The following RIN3 variants were observed in gnomAD, a reference collection of about 807,000 sequenced individuals.
RIN3 encodes the protein Ras and Rab interactor 3.
In RIN3, 54 loss-of-function variants were observed where a neutral mutation model predicts 76.3. The observed-to-expected ratio is 0.71, with a 90% CI of 0.57 to 0.89. The LOEUF is 0.89. RIN3 is among the 40% of genes least tolerant of loss of function. The probability of loss-of-function intolerance (pLI) is 0.00; values close to 1 mark genes in which losing one functional copy is unlikely to be tolerated. For missense variants in RIN3, 1,256 were observed against 1,322.1 expected, an observed-to-expected ratio of 0.95 and a Z score of 0.78; for synonymous variants, 576 against 564.0, an observed-to-expected ratio of 1.02 and a Z score of -0.30.
intron 2 of RIN3, 27 bp from the exon 3 acceptor site, chr14:92,577,333 G>C: frequency 2.0e-6 from 3 of 1,531,078 alleles, no homozygotes; most frequent in Non-Finnish European, 9.0e-7. Context: ...TTAATTCACG[G>C]AGCTGCATCC....
chr14:92,643,894 C>T lies in RIN3; in HGVS notation c.532+2565C>T, dbSNP rs1382463342. The stretch of plus-strand genomic sequence containing the variant: ...AGTGAGCTGAGATTGCCCCACTGCA[C>T]TCCAGCGTGGGCAACAGACTGAGAC... On this transcript the variant is annotated intron_variant, in intron 5 of 9. Transcript: ENST00000216487. The surrounding 1 kb of genome is among the most constrained non-coding windows in gnomAD (Gnocchi z 4.8). 6.6e-6 allele frequency among the ~76,000 whole-genome samples: 1 copy of T among 152,014 alleles called. No homozygotes were observed. The highest frequency in any genetic ancestry group is 6.6e-5 in the Admixed American group (1 of 15,262).
intron 7 of RIN3, among the ~76,000 whole-genome samples, chr14:92,672,691 T>TAC (rs1888328306): frequency 1.3e-5 from 2 of 151,896 alleles, no homozygotes; most frequent in Non-Finnish European, 2.9e-5. Context: ...TGTGTGTGTA[T>TAC]ACACATAATT....
At chr14:92,596,833 A>G (rs1347739502) in intron 3 of RIN3, among the ~76,000 whole-genome samples, 1 of 152,130 alleles carries the variant, frequency 6.6e-6, no homozygotes, top group Non-Finnish European at 1.5e-5. Context: ...GTAACAACTG[A>G]GTGGAGGTGG....
chr14:92,527,190 A>G (rs1349715676), intron 1 of RIN3, among the ~76,000 whole-genome samples: 19 of 151,552 alleles, frequency 1.3e-4, no homozygotes, highest in Non-Finnish European at 7.4e-5. Context: ...AGCTGGGACT[A>G]CAGGCGCCCG....
intron 3 of RIN3, among the ~76,000 whole-genome samples, chr14:92,589,720 C>T (rs1884911764): frequency 6.6e-6 from 1 of 152,186 alleles, no homozygotes; most frequent in African/African-American, 2.4e-5. Context: ...AGTAGGTGCT[C>T]ATAAAAAGTT....
intron 3 of RIN3, among the ~76,000 whole-genome samples, chr14:92,602,249 C>T (rs2140089504): frequency 6.6e-6 from 1 of 152,332 alleles, no homozygotes; most frequent in East Asian, 1.9e-4. Context: ...TGCCCAGTGC[C>T]CAGGCCAGTG....
rs1352779573 is a variant in RIN3, at chr14:92,685,419, C to T, written c.2631+269C>T. ...AAGGGTGCAGGAGGAATGAGACACA[C>T]CCATCATTCCTTAGCCCCTCCTAGG... On this transcript the variant is annotated intron_variant, in intron 9 of 9. Coordinates refer to ENST00000216487, the MANE Select transcript of RIN3 (RefSeq NM_024832.5). The surrounding 1 kb of genome is among the most constrained non-coding windows in gnomAD (Gnocchi z 4.7). 1.1e-5 allele frequency: 5 copies of T among 455,070 alleles called. No homozygotes were observed. In the South Asian group the frequency reaches 1.3e-4, roughly 12 times the overall value. The allele number at this position is 455,070 out of a possible 1,614,324, so 28.2% of individuals were successfully genotyped here.
chr14:92,534,178 C>T (rs1017032442), intron 1 of RIN3, among the ~76,000 whole-genome samples: 2 of 151,274 alleles, frequency 1.3e-5, no homozygotes, highest in African/African-American at 4.9e-5. Context: ...CCCAGCATCT[C>T]AGCCCTATGG....
intron 8 of RIN3, among the ~76,000 whole-genome samples, chr14:92,679,198 G>A (rs938523533): frequency 2.0e-5 from 3 of 152,250 alleles, no homozygotes; most frequent in Admixed American, 2.0e-4. Context: ...CCTGCATCCA[G>A]CCCTTTTGTC....
chr14:92,548,909 A>T lies in RIN3; in HGVS notation c.45-6842A>T, dbSNP rs1566837654. The stretch of plus-strand genomic sequence containing the variant: ...ATCAGGCAGGTATGAGGATGACTGA[A>T]TTAACAGGATTTGGGGGCCCACAGT... On this transcript the variant is annotated intron_variant, in intron 1 of 9. Transcript: ENST00000216487. Among the ~76,000 whole-genome samples, 3 of 152,146 alleles carry T rather than the reference A, an allele frequency of 2.0e-5. No individual in the cohort carries two copies. In the South Asian group the frequency reaches 6.2e-4, roughly 32 times the overall value.
rs1555383857 is a variant in RIN3 at position 92,561,044 on chromosome 14, A to AATATATATATATATATATAT, written c.249+5101_249+5102insATATATATATATATATATAT. On this transcript the variant is annotated intron_variant, in intron 2 of 9. Coordinates refer to ENST00000216487, the MANE Select transcript of RIN3 (RefSeq NM_024832.5). ...CTAAAAAAAAAAAAAAAAAAAAAAA[A>AATATATATATATATATATAT]ATATATATATATCTGCCATATATAT... Among the ~76,000 whole-genome samples the AATATATATATATATATATAT allele has an allele frequency of 4.5e-3, 109 of 24,338 alleles. 2 individuals carry two copies. Among genetic ancestry groups the AATATATATATATATATATAT allele is most frequent in the African/African-American group, 6.4e-3 (49 of 7,712 alleles). 16.0% of individuals were successfully genotyped at this position (24,338 alleles called of 152,430 possible). A position where few individuals can be genotyped will look rare whatever the true frequency, so the allele number is the denominator to read the frequency against.
At chr14:92,621,235 CAAAAAAAA>C (rs572318532) in intron 4 of RIN3, among the ~76,000 whole-genome samples, 24 of 70,698 alleles carry the variant, frequency 3.4e-4, no homozygotes, top group African/African-American at 1.4e-3. Context: ...GACTCCGTCT[CAAAAAAAA>C]AAAAAAAAAA....
chr14:92,548,212 G>C (rs1444577296), intron 1 of RIN3, among the ~76,000 whole-genome samples: 1 of 152,068 alleles, frequency 6.6e-6, no homozygotes, highest in African/African-American at 2.4e-5. Flanking sequence ...TCTTTGCCAG[G>C]ATACGTAAAC....
At chr14:92,627,274 G>A (rs529970316) in intron 4 of RIN3, among the ~76,000 whole-genome samples, 1 of 152,256 alleles carries the variant, frequency 6.6e-6, no homozygotes, top group East Asian at 1.9e-4. Context: ...CCCATTAATG[G>A]AGGTTTCTTG....
chr14:92,566,339 G>A lies in RIN3; in HGVS notation c.249+10384G>A, dbSNP rs1285284436. Among the ~76,000 whole-genome samples the A allele has an allele frequency of 2.6e-5, 4 of 152,304 alleles. No homozygotes were observed. In the East Asian group the frequency reaches 7.7e-4, roughly 29 times the overall value. Reference sequence around the variant, plus strand: ...ACCTCATGGTTGCAAAATGGCAGCTGCAGCTCCAGACACCTCACCCATTCG... The same window carrying A: ...ACCTCATGGTTGCAAAATGGCAGCTACAGCTCCAGACACCTCACCCATTCG... On this transcript the variant is annotated intron_variant, in intron 2 of 9. Transcript: ENST00000216487.
At chr14:92,515,464 C>T (rs74075415) in intron 1 of RIN3, 13,251 of 505,328 alleles carry the variant, frequency 0.026, 1,351 homozygotes, top group African/African-American at 0.23. Flanking sequence ...GTTATTTAAA[C>T]TCTCTGTATC....
At chr14:92,552,196 A>G (rs1431687561) in intron 1 of RIN3, among the ~76,000 whole-genome samples, 2 of 152,244 alleles carry the variant, frequency 1.3e-5, no homozygotes, top group Non-Finnish European at 2.9e-5. Flanking sequence ...GGATGTGATC[A>G]CAAGACAGTG....
chr14:92,575,134 A>T (rs1898184555), intron 2 of RIN3, among the ~76,000 whole-genome samples: 1 of 152,220 alleles, frequency 6.6e-6, no homozygotes, highest in Non-Finnish European at 1.5e-5. Context: ...ATATGGTTAT[A>T]GTATTTTATT....
At chr14:92,603,675 A>G (rs759210534) in intron 3 of RIN3, among the ~76,000 whole-genome samples, 2 of 152,188 alleles carry the variant, frequency 1.3e-5, no homozygotes, top group Non-Finnish European at 2.9e-5. Flanking sequence ...CAGAGAACAC[A>G]GGAGCCACTC....
Sources: gnomAD v4.1 joint callset for allele counts (sites outside exome capture counted in the v4.1 genomes callset) on GRCh38, gnomAD v4.1.1 for gene constraint, Gnocchi (gnomAD v3.1) non-coding constraint, MANE v1.5 for transcripts, NCBI Gene and HGNC (gene_info 2026-07-23, HGNC 2026-07-21) for gene names.